SNAPC4: variants seen among roughly 807,000 people sequenced by gnomAD.
SNAPC4 encodes small nuclear RNA activating complex polypeptide 4.
SNAPC4 carries 127 observed loss-of-function variants against 151.3 expected under a neutral mutation model. The ratio of observed to expected loss-of-function variants is 0.84; its 90% CI spans 0.73 to 0.97. The LOEUF is 0.97. Ranked by LOEUF, SNAPC4 falls within the 50% of genes least tolerant of loss-of-function variation. SNAPC4 has a pLI of 0.00. For synonymous variants in SNAPC4, 1,002 were observed against 824.4 expected, an observed-to-expected ratio of 1.22 and a Z score of -3.69; for missense variants, 2,186 against 1,935.0, an observed-to-expected ratio of 1.13 and a Z score of -2.43.
In SNAPC4 at chr9:136,375,721, C is replaced by T. The variant is rs1415744693; in HGVS notation, c.*87G>A. The stretch of plus-strand genomic sequence containing the variant: ...CAGTCAGCGGCCAGCAGATACCTGG[C>T]CTCTGGCTGCCTCTCTTGCAGGCTG... On this transcript the variant is annotated 3_prime_UTR_variant, in exon 24 of 24. Coordinates refer to ENST00000684778, the MANE Select transcript of SNAPC4 (RefSeq NM_003086.4). 1.3e-5 allele frequency: 2 copies of T among 152,388 alleles called. No individual in the cohort carries two copies. Among genetic ancestry groups the T allele is most frequent in the Admixed American group, 1.3e-4 (2 of 15,292 alleles). 9.4% of individuals were successfully genotyped at this position (152,388 alleles called of 1,614,324 possible). A position where few individuals can be genotyped will look rare whatever the true frequency, so the allele number is the denominator to read the frequency against.
chr9:136,378,579 T>G lies in SNAPC4; in HGVS notation c.3248A>C (p.Gln1083Pro). The part of the protein sequence containing the change: ...PLPVTWVLTA[Q>P]GLLPVPVPAV... ...TGGTACAGGAACAGGGAGAAGCCCC[T>G]GGGCTGTGAGCACCCAGGTGACAGG... Residue 1083 changes from glutamine (Q) to proline (P), a missense_variant, in exon 22 of 24, where the codon CAG (glutamine) becomes CCG (proline). Transcript: ENST00000684778. The G allele has an allele frequency of 1.3e-6, 2 of 1,587,616 alleles. No homozygotes were observed. The highest frequency in any genetic ancestry group is 1.7e-6 in the Non-Finnish European group (2 of 1,169,972).
At chr9:136,393,744 G>A (rs915816634) in intron 7 of SNAPC4, among the ~76,000 whole-genome samples, 18 of 152,336 alleles carry the variant, frequency 1.2e-4, no homozygotes, top group African/African-American at 4.1e-4. Context: ...CCTGCGCTTA[G>A]CCGCCCGCCC....
rs1471544054 is a variant in SNAPC4, at chr9:136,394,307, G to A, written c.574C>T (p.Leu192Phe). 2.5e-6 allele frequency: 4 copies of A among 1,613,910 alleles called. No homozygotes were observed. Among genetic ancestry groups the A allele is most frequent in the Non-Finnish European group, 3.4e-6 (4 of 1,179,946 alleles). Residue 192 changes from leucine (L) to phenylalanine (F), a missense_variant, in exon 7 of 24, where the codon CTC becomes TTC. Coordinates refer to ENST00000684778, the MANE Select transcript of SNAPC4 (RefSeq NM_003086.4). ...CGGTCACTCACCACTGACTTTCGGA[G>A]CAAGGCCTTTTCCCAGTTTTTCCCT... ...TKWKNWEKAL[L>F]RKSVVSDRLQ...
At position 136,387,542 on chromosome 9, in the gene SNAPC4, T is replaced by A; in HGVS notation, c.1268A>T (p.Asp423Val). The A allele has an allele frequency of 6.2e-7, 1 of 1,613,940 alleles. No individual in the cohort carries two copies. Among genetic ancestry groups the A allele is most frequent in the Non-Finnish European group, 8.5e-7 (1 of 1,179,952 alleles). Residue 423 changes from aspartate (D) to valine (V), a missense_variant, in exon 13 of 24, where the codon GAT (aspartate) becomes GTT (valine). Transcript: ENST00000684778. The stretch of plus-strand genomic sequence containing the variant: ...CACCTCTTCCCGGATTTTAAACCAA[T>A]CCTGCTCCCCGTATTTGGCAACAGC... Reference protein sequence around the residue: ...LQAVAKYGEQDWFKIREEVPG... With the variant: ...LQAVAKYGEQVWFKIREEVPG...
At chr9:136,387,936 G>A (rs534914557) in intron 11 of SNAPC4, 88 bp from the exon 12 acceptor site, 4 of 797,352 alleles carry the variant, frequency 5.0e-6, no homozygotes, top group African/African-American at 3.4e-5. Context: ...GGTCCCGTGG[G>A]GCCGAGACAC....
rs561642155 is a variant in SNAPC4 at position 136,400,132 on chromosome 9, A to T, written c.-10+2T>A. ...GCCTCACCTGCTGGGCGCACACCTT[A>T]CCTGGCCGCGCGGACCCCGCCGTCG... On this transcript the variant is annotated splice_donor_variant, in intron 1 of 23. Coordinates refer to ENST00000684778, the MANE Select transcript of SNAPC4 (RefSeq NM_003086.4). LOFTEE classifies it low-confidence loss of function (5UTR_SPLICE). 27 of 151,452 alleles carry T rather than the reference A, an allele frequency of 1.8e-4. No individual in the cohort carries two copies. Among genetic ancestry groups the T allele is most frequent in the Non-Finnish European group, 3.5e-4 (24 of 67,790 alleles). 9.4% of individuals were successfully genotyped at this position (151,452 alleles called of 1,614,324 possible).
chr9:136,377,519 A>G, intron 22 of SNAPC4, 24 bp downstream of exon 22: 1 of 1,500,326 alleles, frequency 6.7e-7, no homozygotes, highest in Non-Finnish European at 8.9e-7. Flanking sequence ...GCCATGGGGA[A>G]GTGGGGCTGG....
Position 136,377,769 on chromosome 9 carries a change from C to T in SNAPC4, c.4058G>A (p.Gly1353Glu). The T allele has an allele frequency of 6.2e-7, 1 of 1,611,620 alleles. No homozygotes were observed. The highest frequency in any genetic ancestry group is 8.5e-7 in the Non-Finnish European group (1 of 1,179,460). ...ALQASLGLVR[G>E]QLQDNPAYLL... ...GTAGGCCGGGTTGTCCTGGAGCTGCCCCCGCACCAGCCCCAGTGAGGCTTG... is the reference window on the plus strand; with the variant it reads ...GTAGGCCGGGTTGTCCTGGAGCTGCTCCCGCACCAGCCCCAGTGAGGCTTG... The change falls in exon 22 of 24, where the codon GGG becomes GAG. Residue 1353 changes from glycine to glutamate, a missense_variant. Gly to Glu is a moderately conservative substitution (Grantham distance 98). Coordinates refer to ENST00000684778, the MANE Select transcript of SNAPC4 (RefSeq NM_003086.4).
chr9:136,388,651 G>C, intron 10 of SNAPC4, 60 bp from the exon 11 acceptor site: 1 of 1,602,318 alleles, frequency 6.2e-7, no homozygotes, highest in East Asian at 2.2e-5. Flanking sequence ...TCCAGATCTG[G>C]CTCTGAGTGC....
At chr9:136,392,846 A>G (rs967494537) in intron 7 of SNAPC4, 69 bp from the exon 8 acceptor site, 5 of 1,247,560 alleles carry the variant, frequency 4.0e-6, no homozygotes, top group Middle Eastern at 2.3e-4. Context: ...TTCTCTGCAC[A>G]TTACAGGGCA....
intron 10 of SNAPC4, among the ~76,000 whole-genome samples, chr9:136,390,313 T>C (rs538248266): frequency 6.6e-6 from 1 of 152,064 alleles, no homozygotes; most frequent in South Asian, 2.1e-4. Context: ...CCCAGCACTT[T>C]GGGAGGCTGA....
rs779876691 is a variant in SNAPC4 at position 136,377,867 on chromosome 9, G to A, written c.3960C>T (p.His1320=). The change falls in exon 22 of 24, where the codon CAC becomes CAT. Residue 1320 remains histidine, a synonymous_variant. Coordinates refer to ENST00000684778, the MANE Select transcript of SNAPC4 (RefSeq NM_003086.4). ...SLRALSGLLL[H]KKALEHKATS... ...TGGCCTTGTGCTCCAGGGCCTTCTT[G>A]TGGAGTAGGAGACCGGACAGAGCTC... 4 of 1,611,404 alleles carry A rather than the reference G, an allele frequency of 2.5e-6. No individual in the cohort carries two copies. The African/African-American group carries it at 5.3e-5, about 22-fold the overall frequency.
chr9:136,378,173 T>C lies in SNAPC4; in HGVS notation c.3654A>G (p.Pro1218=). The C allele has an allele frequency of 1.2e-6, 2 of 1,611,652 alleles. No individual in the cohort carries two copies. The highest frequency in any genetic ancestry group is 1.1e-5 in the South Asian group (1 of 90,868). Residue 1218 remains proline, a synonymous_variant, in exon 22 of 24, where the codon CCA becomes CCG. Coordinates refer to ENST00000684778, the MANE Select transcript of SNAPC4 (RefSeq NM_003086.4). ...AFGGVIPATE[P]RGTPGSPSGT... ...CTGAGGGGGACCCCGGCGTCCCCCT[T>C]GGCTCAGTTGCTGGGATGACACCAC...
Position 136,392,014 on chromosome 9 carries a change from C to T in SNAPC4, c.903G>A (p.Glu301=), listed in dbSNP as rs1230069163. 6.2e-7 allele frequency: 1 copy of T among 1,611,696 alleles called. No individual in the cohort carries two copies. ...CCGCGATCGCCTGCAGCCGCTCCTCCTCCTCCCTGCTCCACTCCTGCTTGT... is the reference window on the plus strand; with the variant it reads ...CCGCGATCGCCTGCAGCCGCTCCTCTTCCTCCCTGCTCCACTCCTGCTTGT... ...SINKQEWSRE[E]EERLQAIAAA... Residue 301 remains glutamate, a synonymous_variant, in exon 10 of 24, where the codon GAG becomes GAA. Coordinates refer to ENST00000684778, the MANE Select transcript of SNAPC4 (RefSeq NM_003086.4).
In SNAPC4 at chr9:136,378,447, G is replaced by C. The variant is rs766672448; in HGVS notation, c.3380C>G (p.Ala1127Gly). Residue 1127 changes from alanine (A) to glycine (G), a missense_variant, in exon 22 of 24, where the codon GCC becomes GGC. Physicochemically the swap from Ala to Gly is moderately conservative, Grantham distance 60. Transcript: ENST00000684778. ...TETRAAQGPRAPALSSSWQPP... is the reference protein window; with the variant it reads ...TETRAAQGPRGPALSSSWQPP... Reference sequence around the variant, plus strand: ...CTGCCAAGAGCTGCTCAACGCTGGGGCCCTGGGGCCCTGGGCCGCCCGAGT... The same window carrying C: ...CTGCCAAGAGCTGCTCAACGCTGGGCCCCTGGGGCCCTGGGCCGCCCGAGT... 3 of 1,589,932 alleles carry C rather than the reference G, an allele frequency of 1.9e-6. No homozygotes were observed. Among genetic ancestry groups the C allele is most frequent in the Non-Finnish European group, 2.6e-6 (3 of 1,172,054 alleles).
rs962665812 is a variant in SNAPC4 at position 136,377,681 on chromosome 9, G to C, written c.4146C>G (p.Ala1382=). The C allele has an allele frequency of 2.5e-6, 4 of 1,607,846 alleles. No homozygotes were observed. The highest frequency in any genetic ancestry group is 2.2e-5 in the South Asian group (2 of 90,582). ...FTLPALLATL[A]PQGVRTTLSV... is the part of the protein sequence containing the mutation. ...AGAGGGTGGTGCGGACGCCTTGGGG[G>C]GCCAGGGTGGCCAGGAGCGCAGGGA... The change falls in exon 22 of 24, where the codon GCC becomes GCG. Residue 1382 remains alanine, a synonymous_variant. Transcript: ENST00000684778.
rs776743350 is a variant in SNAPC4, at chr9:136,395,689, G to C, written c.259C>G (p.Leu87Val). The C allele has an allele frequency of 1.9e-6, 3 of 1,613,476 alleles. No homozygotes were observed. Among genetic ancestry groups the C allele is most frequent in the South Asian group, 2.2e-5 (2 of 91,090 alleles). ...TCCTGGTAGACCATGTTCAGCTGCA[G>C]GCAGGTTTCTGGGTCTTCAGGGAGG... ...KTLPEDPETC[L>V]QLNMVYQEVI... is the part of the protein sequence containing the mutation. The change falls in exon 4 of 24, where the codon CTG becomes GTG. Residue 87 changes from leucine (L) to valine (V), a missense_variant. Transcript: ENST00000684778.
chr9:136,389,503 GTCTA>G lies in SNAPC4; in HGVS notation c.976-916_976-913del, dbSNP rs569131152. Among the ~76,000 whole-genome samples, 14 of 152,228 alleles carry G rather than the reference GTCTA, an allele frequency of 9.2e-5. No homozygotes were observed. The South Asian group carries it at 1.7e-3, about 18-fold the overall frequency. ...TCCTTCCCAGCTCGCTACATCACAG[GTCTA>G]TCTGAGACTCGTTCACCACAAACAA... On this transcript the variant is annotated intron_variant, in intron 10 of 23. Coordinates refer to ENST00000684778, the MANE Select transcript of SNAPC4 (RefSeq NM_003086.4).
rs771948239 is a variant in SNAPC4 at position 136,376,383 on chromosome 9, G to A, written c.4383C>T (p.His1461=). 21 of 1,613,242 alleles carry A rather than the reference G, an allele frequency of 1.3e-5. No homozygotes were observed. The South Asian group carries it at 2.0e-4, about 15-fold the overall frequency. ...LDVLRTRHAR[H]TRKRRRLV The stretch of plus-strand genomic sequence containing the variant: ...ACACCAGCCGCCTCCGCTTCCGGGT[G>A]TGCCTGGCATGCCGGGTTCTGAGCA... Residue 1461 remains histidine (H), a synonymous_variant, in exon 23 of 24, where the codon CAC becomes CAT. Transcript: ENST00000684778.
Sources: allele counts gnomAD v4.1 joint callset (sites outside exome capture counted in the v4.1 genomes callset), GRCh38; gene constraint gnomAD v4.1.1; transcripts MANE v1.5; gene names NCBI Gene and HGNC (gene_info 2026-07-23, HGNC 2026-07-21).